The following MAPRE3 variants were observed in gnomAD, a reference collection of about 807,000 sequenced individuals.
MAPRE3 encodes the protein microtubule associated protein RP/EB family member 3.
A neutral mutation model predicts 30.5 loss-of-function variants in MAPRE3; 2 were observed. That is an observed-to-expected ratio of 0.07 (90% CI 0.03 to 0.21). MAPRE3 has a LOEUF of 0.21. Ranked by LOEUF, MAPRE3 falls within the 10% of genes least tolerant of loss-of-function variation. The pLI is 1.00. For synonymous variants in MAPRE3, 110 were observed against 127.7 expected, an observed-to-expected ratio of 0.86 and a Z score of 0.93; for missense variants, 204 against 351.8, an observed-to-expected ratio of 0.58 and a Z score of 3.36.
At chr2:27,025,847 C>G (rs560505284) in intron 5 of MAPRE3, 33 bp from the exon 6 acceptor site, 3 of 1,614,008 alleles carry the variant, frequency 1.9e-6, no homozygotes, top group Non-Finnish European at 2.5e-6. Flanking sequence ...AGGTGGGGAC[C>G]TCTGGCTTGA....
intron 1 of MAPRE3, among the ~76,000 whole-genome samples, chr2:26,995,214 C>T (rs187372002): frequency 1.3e-5 from 2 of 152,144 alleles, no homozygotes; most frequent in African/African-American, 2.4e-5. Flanking sequence ...AACATCTTGA[C>T]CAAAAGGGAG....
intron 1 of MAPRE3, among the ~76,000 whole-genome samples, chr2:26,973,872 A>T (rs556455738): frequency 2.0e-5 from 3 of 152,206 alleles, no homozygotes; most frequent in Non-Finnish European, 4.4e-5. Context: ...ATAGTTTTTT[A>T]AAACAGAATG....
At chr2:26,981,320 G>T (rs1666108370) in intron 1 of MAPRE3, among the ~76,000 whole-genome samples, 1 of 152,038 alleles carries the variant, frequency 6.6e-6, no homozygotes, top group East Asian at 1.9e-4. Flanking sequence ...AACTTAAGAT[G>T]CAGTGAAGTA....
chr2:26,993,863 C>A (rs1572751827), intron 1 of MAPRE3, among the ~76,000 whole-genome samples: 1 of 152,154 alleles, frequency 6.6e-6, no homozygotes, highest in South Asian at 2.1e-4. Context: ...TCATGCCTGG[C>A]AGGAAAGCAA....
intron 1 of MAPRE3, among the ~76,000 whole-genome samples, chr2:26,975,483 T>C (rs549032863): frequency 1.3e-5 from 2 of 152,234 alleles, no homozygotes; most frequent in South Asian, 4.1e-4. Flanking sequence ...GCTGTTCAGG[T>C]GCAAGAGCAA....
intron 1 of MAPRE3, among the ~76,000 whole-genome samples, chr2:27,000,448 A>G (rs888002639): frequency 2.0e-5 from 3 of 152,206 alleles, no homozygotes; most frequent in Admixed American, 1.3e-4. Context: ...GGAAGTGGAA[A>G]GAGGAACAAG....
chr2:27,003,023 A>C (rs930465037), intron 1 of MAPRE3: 3 of 152,232 alleles, frequency 2.0e-5, no homozygotes, highest in African/African-American at 7.2e-5. Context: ...GGGACATTTT[A>C]ATCTATTAAG....
intron 1 of MAPRE3, among the ~76,000 whole-genome samples, chr2:26,994,615 TAC>T (rs1395258760): frequency 6.6e-6 from 1 of 152,218 alleles, no homozygotes; most frequent in Non-Finnish European, 1.5e-5. Context: ...ATGACATCGT[TAC>T]AGTTTGCCAA....
rs950600294 is a variant in MAPRE3 at position 26,986,280 on chromosome 2, T to G, written c.-8+15478T>G. On this transcript the variant is annotated intron_variant, in intron 1 of 6. Transcript: ENST00000233121. This position sits in a 1 kb window ranked among gnomAD's most constrained non-coding sequence, Gnocchi z 4.2. ...GGCCCACTCAGATAATCCAGGATAA[T>G]CTTCCCATCACAGAAACCTTAATCA... Among the ~76,000 whole-genome samples, 1 of 152,168 alleles carries G rather than the reference T, an allele frequency of 6.6e-6. No individual in the cohort carries two copies. Among genetic ancestry groups the G allele is most frequent in the African/African-American group, 2.4e-5 (1 of 41,446 alleles).
At chr2:26,973,304 G>A (rs1665949777) in intron 1 of MAPRE3, among the ~76,000 whole-genome samples, 1 of 152,158 alleles carries the variant, frequency 6.6e-6, no homozygotes, top group Non-Finnish European at 1.5e-5. Flanking sequence ...GTGAAGCTGA[G>A]TTTCTTCTAG....
At chr2:26,997,228 C>T (rs970117334) in intron 1 of MAPRE3, among the ~76,000 whole-genome samples, 2 of 152,148 alleles carry the variant, frequency 1.3e-5, no homozygotes, top group Non-Finnish European at 2.9e-5. Context: ...AAATTTCCAC[C>T]TCAGATCATC....
Position 27,025,978 on chromosome 2 carries a change from A to C in MAPRE3, c.723A>C (p.Glu241Asp). 1.2e-6 allele frequency: 2 copies of C among 1,614,224 alleles called. No individual in the cohort carries two copies. The highest frequency in any genetic ancestry group is 1.7e-6 in the Non-Finnish European group (2 of 1,180,032). ...RDIELICQEH[E>D]SENSPVISGI... ...TCGAGCTCATCTGCCAGGAGCATGA[A>C]AGTGAAAACAGCCCTGTTATCTCAG... The change falls in exon 6 of 7, where the codon GAA becomes GAC. Residue 241 changes from glutamate (E) to aspartate (D), a missense_variant. This residue lies in a region of MAPRE3 where 42 missense variants were observed against 81.2 expected (regional missense o/e 0.52). Transcript: ENST00000233121.
chr2:27,022,367 C>T, intron 2 of MAPRE3, 28 bp downstream of exon 2: 1 of 1,610,340 alleles, frequency 6.2e-7, no homozygotes, highest in South Asian at 1.1e-5. Context: ...TGGGAAGTGG[C>T]CCTGCTGGAA....
At chr2:26,972,145 A>G (rs1182616884) in intron 1 of MAPRE3, among the ~76,000 whole-genome samples, 1 of 152,226 alleles carries the variant, frequency 6.6e-6, no homozygotes, top group Non-Finnish European at 1.5e-5. Flanking sequence ...TTTGGCTTCC[A>G]AATTTCAGTG....
At chr2:27,023,255 G>A in intron 2 of MAPRE3, 77 bp from the exon 3 acceptor site, 1 of 1,487,826 alleles carries the variant, frequency 6.7e-7, no homozygotes, top group South Asian at 1.3e-5. Flanking sequence ...AGAGGAGACG[G>A]GGTTTGGGGA....
intron 1 of MAPRE3, among the ~76,000 whole-genome samples, chr2:26,999,462 CT>C (rs1345991135): frequency 1.5e-5 from 2 of 134,900 alleles, no homozygotes; most frequent in South Asian, 2.4e-4. Context: ...ACTACATGCA[CT>C]TTTTTCTTCT....
intron 1 of MAPRE3, among the ~76,000 whole-genome samples, chr2:27,020,094 A>G (rs184624048): frequency 6.6e-6 from 1 of 152,312 alleles, no homozygotes; most frequent in Non-Finnish European, 1.5e-5. Flanking sequence ...CACAATTGAG[A>G]ACCATGGAAC....
chr2:26,970,971 G>C (rs1665904298), intron 1 of MAPRE3, among the ~76,000 whole-genome samples, 169 bp downstream of exon 1: 1 of 139,106 alleles, frequency 7.2e-6, no homozygotes, highest in African/African-American at 2.6e-5. Context: ...CCCTGTCGCC[G>C]GGTTCCCTCC....
intron 1 of MAPRE3, among the ~76,000 whole-genome samples, chr2:27,019,057 C>T (rs910435697): frequency 6.6e-6 from 1 of 152,064 alleles, no homozygotes; most frequent in Non-Finnish European, 1.5e-5. Flanking sequence ...GCTAGGATTA[C>T]AGGCCTGGCT....
Sources: allele counts gnomAD v4.1 joint callset (sites outside exome capture counted in the v4.1 genomes callset), GRCh38; gene constraint gnomAD v4.1.1; regional missense constraint gnomAD v4.1.1; non-coding constraint Gnocchi (gnomAD v3.1); transcripts MANE v1.5; gene names NCBI Gene and HGNC (gene_info 2026-07-23, HGNC 2026-07-21).